RBFOX1: variants seen among roughly 807,000 people sequenced by gnomAD.
RBFOX1 encodes the protein RNA binding protein fox-1 homolog 1.
A neutral mutation model predicts 57.7 loss-of-function variants in RBFOX1; 8 were observed. That is an observed-to-expected ratio of 0.14 (90% confidence interval 0.08 to 0.25). The LOEUF (loss-of-function observed/expected upper bound fraction) is 0.25, where lower values mean the gene tolerates loss of function less well. RBFOX1 is among the 10% of genes least tolerant of loss of function. The probability of loss-of-function intolerance (pLI) is 1.00; values close to 1 mark genes in which losing one functional copy is unlikely to be tolerated. For missense variants in RBFOX1, 611 were observed against 548.5 expected (o/e 1.11, Z -1.14); for synonymous variants, 326 against 222.4 (o/e 1.47, Z -4.15).
intron 3 of RBFOX1, among the ~76,000 whole-genome samples, chr16:6,660,442 C>G (rs773745671): frequency 2.0e-5 from 3 of 152,042 alleles, no homozygotes; most frequent in Non-Finnish European, 2.9e-5. Flanking sequence ...TGGTTAGTAG[C>G]TCAGACAAAT....
intron 1 of RBFOX1, among the ~76,000 whole-genome samples, chr16:5,344,871 G>A (rs1461323352): frequency 2.6e-5 from 4 of 152,168 alleles, no homozygotes; most frequent in Non-Finnish European, 4.4e-5. Context: ...TCTGATGAAG[G>A]CATGTTGATA....
intron 4 of RBFOX1, among the ~76,000 whole-genome samples, chr16:7,264,153 A>T (rs1022562966): frequency 6.6e-6 from 1 of 152,140 alleles, no homozygotes; most frequent in African/African-American, 2.4e-5. Context: ...TTATAAACTG[A>T]TGTGCTAGGC....
intron 1 of RBFOX1, among the ~76,000 whole-genome samples, chr16:6,290,938 G>A (rs2077405599): frequency 6.6e-6 from 1 of 152,164 alleles, no homozygotes; most frequent in African/African-American, 2.4e-5. Context: ...CTACTCCATA[G>A]AGAGAGCATC....
chr16:6,322,590 G>T (rs945047472), intron 2 of RBFOX1, among the ~76,000 whole-genome samples: 4 of 152,198 alleles, frequency 2.6e-5, no homozygotes, highest in Non-Finnish European at 5.9e-5. Context: ...AACGTAGGAA[G>T]TTGACCCTAT....
intron 3 of RBFOX1, among the ~76,000 whole-genome samples, chr16:5,640,001 C>T (rs753935200): frequency 1.3e-5 from 2 of 152,184 alleles, no homozygotes; most frequent in East Asian, 1.9e-4. Context: ...TGGCACTGGA[C>T]TGATTTTCCC....
intron 1 of RBFOX1, among the ~76,000 whole-genome samples, chr16:5,353,001 G>C (rs2065298096): frequency 6.6e-6 from 1 of 152,116 alleles, no homozygotes; most frequent in South Asian, 2.1e-4. Flanking sequence ...CAATTTTTCT[G>C]ATACTATTCT....
intron 2 of RBFOX1, among the ~76,000 whole-genome samples, chr16:5,484,786 C>T (rs1342526597): frequency 6.6e-6 from 1 of 151,580 alleles, no homozygotes; most frequent in Non-Finnish European, 1.5e-5. Flanking sequence ...GTGGCGGGCA[C>T]CTGTAGTCCC....
In RBFOX1 at chr16:5,289,122, C is replaced by A. The variant is rs145738122; in HGVS notation, c.219+49017C>A. 7.2e-3 allele frequency: 1,404 copies of A among 195,552 alleles called. 11 individuals are homozygous for A. Among genetic ancestry groups the A allele is most frequent in the Admixed American group, 0.014 (263 of 19,242 alleles). 12.1% of individuals were successfully genotyped at this position (195,552 alleles called of 1,614,324 possible). A position where few individuals can be genotyped will look rare whatever the true frequency, so the allele number is the denominator to read the frequency against. On this transcript the variant is annotated intron_variant, in intron 1 of 2. Transcript: ENST00000585867. Reference sequence around the variant, plus strand: ...CCTGGGTGACAGAGGAAGACTCTGTCTCAAAAAACAAAAAAAACACACAAC... The same window carrying A: ...CCTGGGTGACAGAGGAAGACTCTGTATCAAAAAACAAAAAAAACACACAAC...
intron 4 of RBFOX1, among the ~76,000 whole-genome samples, chr16:7,351,716 C>G (rs1337159382): frequency 2.6e-5 from 4 of 152,084 alleles, no homozygotes; most frequent in African/African-American, 9.7e-5. Context: ...TCTCCCATGC[C>G]CTAAATACCC....
intron 2 of RBFOX1, among the ~76,000 whole-genome samples, chr16:6,483,010 G>A (rs532825737): frequency 1.3e-5 from 2 of 152,356 alleles, no homozygotes; most frequent in East Asian, 3.9e-4. Flanking sequence ...AAGAACAAGG[G>A]AAGGGACACG....
In RBFOX1 at chr16:6,342,865, T is replaced by C. The variant is rs562034043; in HGVS notation, c.-64+25808T>C. Among the ~76,000 whole-genome samples, 6 of 152,290 alleles carry C rather than the reference T, an allele frequency of 3.9e-5. No homozygotes were observed. In the South Asian group the frequency reaches 6.2e-4, roughly 16 times the overall value. Reference sequence around the variant, plus strand: ...CATTTGGTGTGAGAGGAATGCTTTATCCTACATTGATGGGGACACTTGTTT... The same window carrying C: ...CATTTGGTGTGAGAGGAATGCTTTACCCTACATTGATGGGGACACTTGTTT... On this transcript the variant is annotated intron_variant, in intron 2 of 15. Transcript: ENST00000550418.
intron 3 of RBFOX1, among the ~76,000 whole-genome samples, chr16:5,764,242 C>A (rs189055238): frequency 6.6e-6 from 1 of 152,170 alleles, no homozygotes; most frequent in African/African-American, 2.4e-5. Flanking sequence ...ATGGGCTGTT[C>A]TTAAGTTATT....
chr16:7,052,285 G>C (rs1301472428), intron 4 of RBFOX1, among the ~76,000 whole-genome samples, 187 bp downstream of exon 4: 1 of 152,140 alleles, frequency 6.6e-6, no homozygotes, highest in Non-Finnish European at 1.5e-5. Context: ...ATCTTCTTTG[G>C]AAGTGCCGTT....
intron 3 of RBFOX1, among the ~76,000 whole-genome samples, chr16:6,994,040 C>T (rs1412087965): frequency 6.6e-6 from 1 of 152,088 alleles, no homozygotes; most frequent in East Asian, 1.9e-4. Context: ...AATCCACCTC[C>T]CCCTCTGGGA....
intron 3 of RBFOX1, among the ~76,000 whole-genome samples, chr16:5,819,161 T>C (rs951068751): frequency 6.6e-6 from 1 of 152,196 alleles, no homozygotes; most frequent in African/African-American, 2.4e-5. Flanking sequence ...TTCTGGAGGC[T>C]GGGAAGTGCA....
chr16:7,602,635 G>T (rs1435814822), intron 9 of RBFOX1, among the ~76,000 whole-genome samples: 2 of 152,136 alleles, frequency 1.3e-5, no homozygotes, highest in African/African-American at 4.8e-5. Context: ...GGGAATGTGG[G>T]TTCATTTGCA....
chr16:6,045,107 G>T (rs948968444), intron 1 of RBFOX1, among the ~76,000 whole-genome samples: 10 of 152,192 alleles, frequency 6.6e-5, no homozygotes, highest in Admixed American at 4.6e-4. Flanking sequence ...CTAAAGCAGG[G>T]CTTCTCAAAT....
chr16:5,377,184 C>G (rs1045205591), intron 1 of RBFOX1, among the ~76,000 whole-genome samples: 1 of 151,526 alleles, frequency 6.6e-6, no homozygotes, highest in African/African-American at 2.5e-5. Context: ...CCTGGGGATG[C>G]AAGTGCAAAT....
intron 3 of RBFOX1, among the ~76,000 whole-genome samples, chr16:6,959,328 A>C (rs894819659): frequency 6.6e-6 from 1 of 152,130 alleles, no homozygotes; most frequent in African/African-American, 2.4e-5. Context: ...ATCTCTCAGA[A>C]ACTATTGTTT....
Sources: gnomAD v4.1 joint callset for allele counts (sites outside exome capture counted in the v4.1 genomes callset) on GRCh38, gnomAD v4.1.1 for gene constraint, MANE v1.5 for transcripts, NCBI Gene and HGNC (gene_info 2026-07-23, HGNC 2026-07-21) for gene names.